CNTLN: variants seen among roughly 807,000 people sequenced by gnomAD.
CNTLN encodes centlein.
A neutral mutation model predicts 180.0 loss-of-function variants in CNTLN; 212 were observed. That is an observed-to-expected ratio of 1.18 (90% confidence interval 1.05 to 1.32). CNTLN has a LOEUF of 1.32. Ranked by LOEUF, CNTLN falls within the 40% of genes most tolerant of loss-of-function variation. CNTLN has a pLI of 0.00. For synonymous variants in CNTLN, 722 were observed against 563.1 expected (o/e 1.28, Z -3.99); for missense variants, 2,095 against 1,610.9 (o/e 1.30, Z -5.14).
At chr9:17,350,795 C>T (rs1176907760) in intron 12 of CNTLN, among the ~76,000 whole-genome samples, 1 of 152,080 alleles carries the variant, frequency 6.6e-6, no homozygotes, top group East Asian at 1.9e-4. Context: ...TCCCTAATTG[C>T]TACTCAAAGT....
At chr9:17,354,352 A>G (rs1387468790) in intron 12 of CNTLN, among the ~76,000 whole-genome samples, 2 of 152,138 alleles carry the variant, frequency 1.3e-5, no homozygotes, top group Admixed American at 1.3e-4. Context: ...AGGCAGCTCC[A>G]CCTGCAGCCC....
At chr9:17,306,376 C>A (rs564558020) in intron 7 of CNTLN, among the ~76,000 whole-genome samples, 1 of 151,962 alleles carries the variant, frequency 6.6e-6, no homozygotes, top group African/African-American at 2.4e-5. Context: ...CTTGAACTCC[C>A]GTCGTCAGGT....
chr9:17,475,369 C>G (rs540245277), intron 23 of CNTLN, among the ~76,000 whole-genome samples: 177 of 151,084 alleles, frequency 1.2e-3, no homozygotes, highest in Non-Finnish European at 2.1e-3. Flanking sequence ...GATATTGATT[C>G]AAAATATAAT....
chr9:17,223,264 C>T (rs1160611199), intron 2 of CNTLN, among the ~76,000 whole-genome samples: 1 of 151,994 alleles, frequency 6.6e-6, no homozygotes, highest in South Asian at 2.1e-4. Flanking sequence ...CAGTTGGCTG[C>T]TGGTAACTGA....
intron 23 of CNTLN, among the ~76,000 whole-genome samples, chr9:17,477,366 T>C (rs1832409210): frequency 6.6e-6 from 1 of 152,190 alleles, no homozygotes; most frequent in African/African-American, 2.4e-5. Flanking sequence ...CTTTAAAGTC[T>C]TATTATTTAA....
rs567634669 is a variant in CNTLN at position 17,282,049 on chromosome 9, G to A, written c.983+8183G>A. On this transcript the variant is annotated intron_variant, in intron 6 of 25. Coordinates refer to ENST00000380647, the MANE Select transcript of CNTLN (RefSeq NM_017738.4). Reference sequence around the variant, plus strand: ...GCGATCTCGGCTCACTGCAACTTATGCCTCCCCAGTTCAAGCAATTCTTCT... The same window carrying A: ...GCGATCTCGGCTCACTGCAACTTATACCTCCCCAGTTCAAGCAATTCTTCT... Among the ~76,000 whole-genome samples, 8 of 152,194 alleles carry A rather than the reference G, an allele frequency of 5.3e-5. No individual in the cohort carries two copies. The East Asian group carries it at 1.4e-3, about 26-fold the overall frequency.
At chr9:17,511,813 G>C in the CNTLN span, among the ~76,000 whole-genome samples, 2 of 152,118 alleles carry the variant, frequency 1.3e-5, no homozygotes, top group Admixed American at 1.3e-4. Flanking sequence ...ATAAAGGGGA[G>C]GCTACTGGGG....
At position 17,330,613 on chromosome 9, in the gene CNTLN, A is replaced by T; in HGVS notation, c.1342-19A>T. On this transcript the variant is annotated intron_variant, in intron 8 of 25. Coordinates refer to ENST00000380647, the MANE Select transcript of CNTLN (RefSeq NM_017738.4). ...ATACAAACATAGATATCTATTTACA[A>T]TTATACTTTTTAAAATAGGTACCTC... 1 of 1,420,934 alleles carries T rather than the reference A, an allele frequency of 7.0e-7. No homozygotes were observed. The highest frequency in any genetic ancestry group is 9.6e-7 in the Non-Finnish European group (1 of 1,040,970). The allele number at this position is 1,420,934 out of a possible 1,614,324, so 88.0% of individuals were successfully genotyped here. A position where few individuals can be genotyped will look rare whatever the true frequency, so the allele number is the denominator to read the frequency against.
At chr9:17,215,687 C>A (rs762585727) in intron 2 of CNTLN, among the ~76,000 whole-genome samples, 3 of 152,226 alleles carry the variant, frequency 2.0e-5, no homozygotes, top group Middle Eastern at 3.4e-3. Context: ...CCTTGAACTG[C>A]GGTGGGCTCC....
chr9:17,398,713 T>C (rs115005860), intron 15 of CNTLN, among the ~76,000 whole-genome samples: 1 of 152,322 alleles, frequency 6.6e-6, no homozygotes, highest in African/African-American at 2.4e-5. Context: ...ATTGGTTTCT[T>C]TAACTCTTTG....
intron 18 of CNTLN, among the ~76,000 whole-genome samples, chr9:17,456,800 C>T (rs10117134): frequency 1.3e-5 from 2 of 152,044 alleles, no homozygotes; most frequent in African/African-American, 2.4e-5. Context: ...ACATTCTGCT[C>T]ACTATAGATG....
At chr9:17,348,237 T>C (rs1414276698) in intron 12 of CNTLN, among the ~76,000 whole-genome samples, 1 of 152,190 alleles carries the variant, frequency 6.6e-6, no homozygotes, top group Non-Finnish European at 1.5e-5. Flanking sequence ...GCAAAAGCTT[T>C]ACACCATCAT....
At chr9:17,303,033 A>G (rs1488172506) in intron 7 of CNTLN, among the ~76,000 whole-genome samples, 1 of 152,138 alleles carries the variant, frequency 6.6e-6, no homozygotes, top group African/African-American at 2.4e-5. Context: ...CTTTTGCCTG[A>G]TTGTTTAAGC....
chr9:17,301,619 A>T, intron 7 of CNTLN: 2 of 981,992 alleles, frequency 2.0e-6, no homozygotes, highest in South Asian at 9.4e-5. Flanking sequence ...CTCCCACTGT[A>T]ATATTTTAAT....
At chr9:17,211,070 T>C in intron 2 of CNTLN, among the ~76,000 whole-genome samples, 1 of 152,192 alleles carries the variant, frequency 6.6e-6, no homozygotes, top group Non-Finnish European at 1.5e-5. Context: ...TTAGATCCCA[T>C]TTGTCAATTT....
chr9:17,355,687 G>A (rs1440536311), intron 12 of CNTLN, among the ~76,000 whole-genome samples: 1 of 152,154 alleles, frequency 6.6e-6, no homozygotes, highest in Non-Finnish European at 1.5e-5. Context: ...ATTTCTGTAG[G>A]TTTAGAAAAC....
At chr9:17,278,201 A>T (rs1828436967) in intron 6 of CNTLN, among the ~76,000 whole-genome samples, 1 of 152,164 alleles carries the variant, frequency 6.6e-6, no homozygotes, top group South Asian at 2.1e-4. Context: ...AACAAGGAGC[A>T]GTATAACTAG....
At chr9:17,142,898 C>T (rs978783708) in intron 1 of CNTLN, among the ~76,000 whole-genome samples, 7 of 152,104 alleles carry the variant, frequency 4.6e-5, no homozygotes, top group South Asian at 2.1e-4. Context: ...TTAGGAAAAT[C>T]TTACTAGGAA....
rs781545830 is a variant in CNTLN at position 17,332,712 on chromosome 9, G to GAAGGCACTAC, written c.1629_1638dup (p.Leu547GlyfsTer10). Reference sequence around the variant, plus strand: ...CTGAAAGAAAGATTGAAAACTTAGAGAAGGCACTACAACTAAAGGTGAACA... The same window carrying GAAGGCACTAC: ...CTGAAAGAAAGATTGAAAACTTAGAGAAGGCACTACAAGGCACTACAACTAAAGGTGAACA... On this transcript the variant is annotated frameshift_variant, in exon 10 of 26. Coordinates refer to ENST00000380647, the MANE Select transcript of CNTLN (RefSeq NM_017738.4). LOFTEE classifies it high-confidence loss of function. 1 of 1,603,064 alleles carries GAAGGCACTAC rather than the reference G, an allele frequency of 6.2e-7. No individual in the cohort carries two copies. Among genetic ancestry groups the GAAGGCACTAC allele is most frequent in the Non-Finnish European group, 8.5e-7 (1 of 1,176,048 alleles).
Sources: gnomAD v4.1 joint callset for allele counts (sites outside exome capture counted in the v4.1 genomes callset) on GRCh38, gnomAD v4.1.1 for gene constraint, MANE v1.5 for transcripts, NCBI Gene and HGNC (gene_info 2026-07-23, HGNC 2026-07-21) for gene names.